The following TTC28 variants were observed in gnomAD, a reference collection of about 807,000 sequenced individuals.
TTC28 encodes tetratricopeptide repeat protein 28.
In TTC28, 61 loss-of-function variants were observed where a neutral mutation model predicts 198.0. That is an observed-to-expected ratio of 0.31 (90% confidence interval 0.25 to 0.38). The LOEUF (loss-of-function observed/expected upper bound fraction) is 0.38. Ranked by LOEUF, TTC28 falls within the 10% of genes least tolerant of loss-of-function variation. The pLI is 1.00. For missense variants in TTC28, 2,678 were observed against 3,164.0 expected, an observed-to-expected ratio of 0.85 and a Z score of 3.69; for synonymous variants, 1,171 against 1,297.8, an observed-to-expected ratio of 0.90 and a Z score of 2.10.
At chr22:28,191,359 T>A (rs1332375615) in intron 5 of TTC28, among the ~76,000 whole-genome samples, 2 of 152,090 alleles carry the variant, frequency 1.3e-5, no homozygotes, top group East Asian at 3.9e-4. Flanking sequence ...GCTCCCAGGG[T>A]GAGCAACACA....
At position 27,980,026 on chromosome 22, in the gene TTC28, G is replaced by A. The variant is rs1936961667; in HGVS notation, c.*2195C>T. The stretch of plus-strand genomic sequence containing the variant: ...CCACAGGAAGCGGCAGGGTGGTGGG[G>A]GTGTTTGCTAGAGAGGGGCAAATAG... On this transcript the variant is annotated 3_prime_UTR_variant, in exon 23 of 23. Transcript: ENST00000397906. 6.6e-6 allele frequency: 1 copy of A among 152,222 alleles called. No homozygotes were observed. The highest frequency in any genetic ancestry group is 1.5e-5 in the Non-Finnish European group (1 of 68,090). The allele number at this position is 152,222 out of a possible 1,614,324, so 9.4% of individuals were successfully genotyped here.
At chr22:28,096,111 C>T in intron 11 of TTC28, 79 bp downstream of exon 11, 4 of 1,444,586 alleles carry the variant, frequency 2.8e-6, no homozygotes, top group South Asian at 1.6e-5. Flanking sequence ...TATGATAATG[C>T]ACCTATTCCA....
intron 2 of TTC28, among the ~76,000 whole-genome samples, chr22:28,565,053 G>C (rs1210215841): frequency 1.3e-5 from 2 of 151,772 alleles, no homozygotes; most frequent in Non-Finnish European, 2.9e-5. Flanking sequence ...GAATATGACT[G>C]CCTGCCAAAA....
chr22:28,492,665 C>T (rs2048395495), intron 2 of TTC28, among the ~76,000 whole-genome samples: 2 of 152,010 alleles, frequency 1.3e-5, no homozygotes, highest in African/African-American at 4.8e-5. Context: ...TTAAGAATCT[C>T]CTAAAGTTTT....
At chr22:28,228,216 G>C (rs1187372134) in intron 5 of TTC28, among the ~76,000 whole-genome samples, 2 of 151,994 alleles carry the variant, frequency 1.3e-5, no homozygotes, top group African/African-American at 4.8e-5. Context: ...AGGAGGAAAG[G>C]AGAATGAGGA....
chr22:28,160,845 G>A (rs1462348782), intron 6 of TTC28, among the ~76,000 whole-genome samples: 1 of 152,068 alleles, frequency 6.6e-6, no homozygotes, highest in African/African-American at 2.4e-5. Context: ...AAAATTGTTT[G>A]TTTTTTGAAG....
intron 2 of TTC28, among the ~76,000 whole-genome samples, chr22:28,364,641 A>T (rs531971816): frequency 6.6e-6 from 1 of 152,282 alleles, no homozygotes; most frequent in South Asian, 2.1e-4. Flanking sequence ...GAAGAAGTCA[A>T]TTCCAACCCT....
chr22:28,031,836 GAGTAA>G (rs1277147967), intron 12 of TTC28, among the ~76,000 whole-genome samples: 1 of 152,116 alleles, frequency 6.6e-6, no homozygotes, highest in Non-Finnish European at 1.5e-5. Context: ...CTCGCAGACT[GAGTAA>G]AGTAGACTGC....
In TTC28 at chr22:28,255,645, C is replaced by T. The variant is rs1029266042; in HGVS notation, c.933+40553G>A. Among the ~76,000 whole-genome samples, 6 of 149,714 alleles carry T rather than the reference C, an allele frequency of 4.0e-5. 1 individual carries two copies. The East Asian group carries it at 1.2e-3, about 30-fold the overall frequency. ...GCGGTGAGCTGAGATCGTGCCATTACATTCCAGCCTGGGCAATAAGAGCAA... is the reference window on the plus strand; with the variant it reads ...GCGGTGAGCTGAGATCGTGCCATTATATTCCAGCCTGGGCAATAAGAGCAA... On this transcript the variant is annotated intron_variant, in intron 5 of 22. Coordinates refer to ENST00000397906, the MANE Select transcript of TTC28 (RefSeq NM_001145418.2).
At chr22:28,390,271 T>C (rs1352632466) in intron 2 of TTC28, among the ~76,000 whole-genome samples, 2 of 152,100 alleles carry the variant, frequency 1.3e-5, no homozygotes, top group Non-Finnish European at 2.9e-5. Context: ...AAGTATGTGG[T>C]CAATTTTGGA....
chr22:27,995,067 A>T (rs1349995544), intron 17 of TTC28, among the ~76,000 whole-genome samples: 1 of 151,890 alleles, frequency 6.6e-6, no homozygotes. Flanking sequence ...AATATGTGTG[A>T]CTCTATCCTC....
intron 2 of TTC28, among the ~76,000 whole-genome samples, chr22:28,391,210 A>T (rs1601735899): frequency 6.6e-6 from 1 of 152,166 alleles, no homozygotes; most frequent in Non-Finnish European, 1.5e-5. Flanking sequence ...CCGAGACATC[A>T]GCTGTTAGTC....
At chr22:28,283,325 T>TACACAC (rs35766225) in intron 5 of TTC28, among the ~76,000 whole-genome samples, 1,523 of 149,618 alleles carry the variant, frequency 0.01, 20 homozygotes, top group African/African-American at 0.033. Flanking sequence ...CTTTCTCTCT[T>TACACAC]ACACACACAC....
intron 5 of TTC28, 52 bp from the exon 6 acceptor site, chr22:28,163,651 G>T: frequency 6.8e-7 from 1 of 1,461,480 alleles, no homozygotes. Context: ...GAATGGTTTT[G>T]GTATATTTTG....
At chr22:28,271,555 T>C (rs1910901097) in intron 5 of TTC28, among the ~76,000 whole-genome samples, 1 of 152,138 alleles carries the variant, frequency 6.6e-6, no homozygotes, top group Admixed American at 6.5e-5. Flanking sequence ...AACTGATTCA[T>C]GGGGGCGGTT....
chr22:28,537,301 A>ATAAC (rs1569009000), intron 2 of TTC28, among the ~76,000 whole-genome samples: 6 of 124,110 alleles, frequency 4.8e-5, no homozygotes, highest in Admixed American at 1.6e-4. Context: ...TCAAAAATAA[A>ATAAC]ATAAAATAAA....
At chr22:28,108,433 G>T in intron 6 of TTC28, 30 bp from the exon 7 acceptor site, 1 of 1,410,314 alleles carries the variant, frequency 7.1e-7, no homozygotes, top group South Asian at 1.7e-5. Context: ...AACAGACTAA[G>T]ACTGAAATAA....
intron 2 of TTC28, among the ~76,000 whole-genome samples, chr22:28,510,632 C>A (rs1039524048): frequency 2.0e-5 from 3 of 151,308 alleles, no homozygotes; most frequent in African/African-American, 7.3e-5. Context: ...CCCTCTCCAA[C>A]ATAGTATTGG....
At chr22:28,131,797 G>A (rs1943065146) in intron 6 of TTC28, among the ~76,000 whole-genome samples, 1 of 152,136 alleles carries the variant, frequency 6.6e-6, no homozygotes, top group South Asian at 2.1e-4. Flanking sequence ...CAGATTCAGG[G>A]TTTAGCACAG....
Sources: allele counts gnomAD v4.1 joint callset (sites outside exome capture counted in the v4.1 genomes callset), GRCh38; gene constraint gnomAD v4.1.1; transcripts MANE v1.5; gene names NCBI Gene and HGNC (gene_info 2026-07-23, HGNC 2026-07-21).